The following ZBED6 variants were observed in gnomAD, a reference collection of about 807,000 sequenced individuals.
ZBED6 encodes zinc finger BED-type containing 6.
Under a neutral mutation model 58.4 loss-of-function variants are expected in ZBED6, and 40 were observed. The observed-to-expected ratio is 0.68, with a 90% CI of 0.53 to 0.89. The LOEUF (loss-of-function observed/expected upper bound fraction) is 0.89. Among genes scored for constraint, ZBED6 ranks in the 40% least tolerant of loss-of-function variants. ZBED6 has a pLI of 0.00. For missense variants in ZBED6, 1,057 were observed against 1,003.9 expected, an observed-to-expected ratio of 1.05 and a Z score of -0.71; for synonymous variants, 439 against 350.6, an observed-to-expected ratio of 1.25 and a Z score of -2.82.
exon 1 of ZBED6, chr1:203,802,721 T>TG (rs71145027): frequency 3.5e-5 from 5 of 142,312 alleles, no homozygotes; most frequent in African/African-American, 1.3e-4. Context: ...ACTCTTTTTT[T>TG]TTGTTTTTTT....
At chr1:203,831,872 ATTTG>A (rs1407494534) in intron 8 of ZBED6, 101 bp downstream of exon 8, 2 of 894,016 alleles carry the variant, frequency 2.2e-6, no homozygotes, top group Non-Finnish European at 3.5e-6. Context: ...ATTTTCAGGA[ATTTG>A]TTAGTATGCT....
At chr1:203,848,676 A>G (rs1314462330) in intron 13 of ZBED6, among the ~76,000 whole-genome samples, 1 of 152,204 alleles carries the variant, frequency 6.6e-6, no homozygotes, top group Admixed American at 6.5e-5. Context: ...TCACGAGGTC[A>G]GGAGATTGAG....
intron 3 of ZBED6, among the ~76,000 whole-genome samples, chr1:203,821,762 G>GTTTT (rs201404414): frequency 5.6e-5 from 8 of 141,672 alleles, no homozygotes; most frequent in African/African-American, 2.1e-4. Context: ...TTTTGGTTTT[G>GTTTT]TTTTTTTTTT....
exon 1 of ZBED6, chr1:203,799,969 A>G: frequency 6.5e-7 from 1 of 1,536,132 alleles, no homozygotes; most frequent in Non-Finnish European, 8.7e-7. Context: ...CCAACTTCAG[A>G]AGCTTCTTGT....
At chr1:203,825,785 A>G (rs1054632582) in intron 3 of ZBED6, among the ~76,000 whole-genome samples, 1 of 152,108 alleles carries the variant, frequency 6.6e-6, no homozygotes, top group African/African-American at 2.4e-5. Context: ...TCTTTTTAGT[A>G]TGCATATAGT....
exon 10 of ZBED6, chr1:203,838,002 C>T (rs1274490252): frequency 1.2e-6 from 2 of 1,614,014 alleles, no homozygotes; most frequent in Non-Finnish European, 1.7e-6. Context: ...CGTAGCCTGG[C>T]ACAGAGGCTA....
At chr1:203,831,093 C>G (rs559998299) in intron 7 of ZBED6, among the ~76,000 whole-genome samples, 1 of 151,520 alleles carries the variant, frequency 6.6e-6, no homozygotes, top group South Asian at 2.1e-4. Context: ...TACAGGCATG[C>G]GCCACCACGC....
exon 15 of ZBED6, chr1:203,850,546 G>A (rs1689014181): frequency 6.2e-7 from 1 of 1,613,850 alleles, no homozygotes; most frequent in South Asian, 1.1e-5. Context: ...AGCCATCTGT[G>A]GTTAAAGTTG....
chr1:203,795,828 C>T (rs1571826976), exon 1 of ZBED6: 1 of 151,612 alleles, frequency 6.6e-6, no homozygotes, highest in Admixed American at 6.6e-5. Context: ...TCCCGGGTGG[C>T]TTGGGGCCGG....
At chr1:203,796,249 CTG>C in exon 1 of ZBED6, 1 of 395,028 alleles carries the variant, frequency 2.5e-6, no homozygotes, top group Non-Finnish European at 4.5e-6. Flanking sequence ...ATCAATCAGA[CTG>C]AGTGCCGGGC....
intron 14 of ZBED6, 105 bp from the exon 15 acceptor site, chr1:203,850,410 G>A: frequency 6.8e-7 from 1 of 1,469,424 alleles, no homozygotes; most frequent in Non-Finnish European, 9.5e-7. Context: ...TGAATTATTT[G>A]TGGTATTTCT....
chr1:203,799,800 A>T lies in ZBED6; in HGVS notation c.2278A>T (p.Lys760Ter). The T allele has an allele frequency of 7.6e-7, 1 of 1,310,376 alleles. No homozygotes were observed. Among genetic ancestry groups the T allele is most frequent in the Non-Finnish European group, 1.1e-6 (1 of 941,082 alleles). 81.2% of individuals were successfully genotyped at this position (1,310,376 alleles called of 1,614,324 possible). The stretch of plus-strand genomic sequence containing the variant: ...AGATACCCTACTAAGTGCCATGCTT[A>T]AATCCAAGCCCTGTATCTTGGCTAC... Residue 760 changes from lysine (K) to a stop codon, truncating the protein, a stop_gained, in exon 1 of 17, where the codon AAA becomes TAA. Transcript: ENST00000550078. LOFTEE classifies it high-confidence loss of function.
At chr1:203,847,186 A>G (rs779730273) in exon 12 of ZBED6, 1 of 1,612,318 alleles carries the variant, frequency 6.2e-7, no homozygotes, top group South Asian at 1.1e-5. Flanking sequence ...GAAAACAGAT[A>G]AAGTTAATAA....
At chr1:203,813,755 C>G (rs1675294906) in intron 1 of ZBED6, among the ~76,000 whole-genome samples, 1 of 152,050 alleles carries the variant, frequency 6.6e-6, no homozygotes, top group Non-Finnish European at 1.5e-5. Flanking sequence ...GTTGGCAATC[C>G]TTGGCATTCC....
intron 11 of ZBED6, among the ~76,000 whole-genome samples, chr1:203,841,557 C>T (rs1047379423): frequency 6.6e-6 from 1 of 152,236 alleles, no homozygotes; most frequent in African/African-American, 2.4e-5. Context: ...CTACTTCTTT[C>T]TACACAGACA....
chr1:203,851,561 GTCAAGTGA>G (rs1235331095), intron 16 of ZBED6, among the ~76,000 whole-genome samples: 1 of 151,970 alleles, frequency 6.6e-6, no homozygotes, highest in Non-Finnish European at 1.5e-5. Flanking sequence ...AACTCCTGAC[GTCAAGTGA>G]TCCACCTTCC....
At chr1:203,823,708 C>G (rs1679532232) in intron 3 of ZBED6, among the ~76,000 whole-genome samples, 1 of 152,172 alleles carries the variant, frequency 6.6e-6, no homozygotes, top group Non-Finnish European at 1.5e-5. Flanking sequence ...CTTGAAAGAA[C>G]TAAATACTTA....
At chr1:203,845,226 G>T (rs150682835) in intron 11 of ZBED6, among the ~76,000 whole-genome samples, 1 of 152,092 alleles carries the variant, frequency 6.6e-6, no homozygotes, top group Admixed American at 6.6e-5. Context: ...CTCATTGCTG[G>T]TGTGGATTTA....
chr1:203,801,745 C>T (rs1249858741), exon 1 of ZBED6: 3 of 151,874 alleles, frequency 2.0e-5, no homozygotes, highest in African/African-American at 7.3e-5. Flanking sequence ...ATCAAAATTG[C>T]TTTGTTACTG....
Sources: gnomAD v4.1 joint callset for allele counts (sites outside exome capture counted in the v4.1 genomes callset) on GRCh38, gnomAD v4.1.1 for gene constraint, MANE v1.5 for transcripts, NCBI Gene and HGNC (gene_info 2026-07-23, HGNC 2026-07-21) for gene names.